The following TESMIN variants were observed in gnomAD, a reference collection of about 807,000 sequenced individuals.
TESMIN encodes testis expressed metallothionein like protein.
Under a neutral mutation model 47.4 loss-of-function variants are expected in TESMIN, and 34 were observed. The observed-to-expected ratio is 0.72, with a 90% confidence interval of 0.55 to 0.96. The LOEUF (loss-of-function observed/expected upper bound fraction) is 0.96. Ranked by LOEUF, TESMIN falls within the 40% of genes least tolerant of loss-of-function variation. The probability of loss-of-function intolerance (pLI) is 0.00; values close to 1 mark genes in which losing one functional copy is unlikely to be tolerated. For synonymous variants in TESMIN, 278 were observed against 258.9 expected, an observed-to-expected ratio of 1.07 and a Z score of -0.71; for missense variants, 610 against 637.2, an observed-to-expected ratio of 0.96 and a Z score of 0.46.
intron 9 of TESMIN, chr11:68,710,652 A>C (rs1946052316): frequency 5.9e-6 from 3 of 508,814 alleles, no homozygotes; most frequent in Non-Finnish European, 6.8e-6. Context: ...GAGGATGAGA[A>C]GACAAAGAGG....
At chr11:68,711,239 G>T (rs1048613389) in intron 8 of TESMIN, among the ~76,000 whole-genome samples, 190 bp from the exon 9 acceptor site, 1 of 151,154 alleles carries the variant, frequency 6.6e-6, no homozygotes, top group Non-Finnish European at 1.5e-5. Context: ...GTGTATGAGT[G>T]TGTGTGGGGT....
At position 68,713,338 on chromosome 11, in the gene TESMIN, G is replaced by A. The variant is rs1946095553; in HGVS notation, c.1090C>T (p.Pro364Ser). ...CAGTTGCACCCTTTGTTGTGCTGGGGCTTGACATTGCCCAATTGGCCCTTC... is the reference window on the plus strand; with the variant it reads ...CAGTTGCACCCTTTGTTGTGCTGGGACTTGACATTGCCCAATTGGCCCTTC... ...IGKGQLGNVK[P>S]QHNKGCNCRR... Residue 364 changes from proline (P) to serine (S), a missense_variant, in exon 8 of 10, where the codon CCC (proline) becomes TCC (serine). Physicochemically the swap from Pro to Ser is moderately conservative, Grantham distance 74 (BLOSUM62 -1). Transcript: ENST00000255087. The A allele has an allele frequency of 6.2e-7, 1 of 1,614,016 alleles. No homozygotes were observed. The highest frequency in any genetic ancestry group is 8.5e-7 in the Non-Finnish European group (1 of 1,180,030).
At chr11:68,704,928 C>T (rs1280589994), downstream of TESMIN, among the ~76,000 whole-genome samples, 1 of 152,202 alleles carries the variant, frequency 6.6e-6, no homozygotes, top group Admixed American at 6.5e-5. Flanking sequence ...CATGCAATGA[C>T]AGTCTTCAAT....
intron 9 of TESMIN, among the ~76,000 whole-genome samples, chr11:68,708,792 T>C (rs930848067): frequency 6.6e-6 from 1 of 151,852 alleles, no homozygotes; most frequent in Non-Finnish European, 1.5e-5. Flanking sequence ...CCTGCTCTGT[T>C]GCCAGGCTGG....
intron 6 of TESMIN, among the ~76,000 whole-genome samples, chr11:68,727,677 A>C (rs1207123243): frequency 1.3e-5 from 2 of 152,186 alleles, no homozygotes; most frequent in Non-Finnish European, 2.9e-5. Context: ...TTTTTAATAA[A>C]ACAAATTGAA....
At chr11:68,719,378 G>A (rs1459401825) in intron 6 of TESMIN, among the ~76,000 whole-genome samples, 2 of 152,186 alleles carry the variant, frequency 1.3e-5, no homozygotes, top group South Asian at 2.1e-4. Flanking sequence ...TCATAAAAAT[G>A]TAAAGACTCA....
chr11:68,728,120 A>C (rs1460452595), intron 6 of TESMIN, among the ~76,000 whole-genome samples: 1 of 152,210 alleles, frequency 6.6e-6, no homozygotes, highest in Non-Finnish European at 1.5e-5. Context: ...TCAAGAGAAA[A>C]GAAGAGTCCC....
At chr11:68,715,317 T>C (rs1040766741) in intron 7 of TESMIN, among the ~76,000 whole-genome samples, 4 of 152,220 alleles carry the variant, frequency 2.6e-5, no homozygotes, top group Non-Finnish European at 2.9e-5. Context: ...AGAGTGGCCA[T>C]CGGGGGCATC....
rs190408274 is a variant in TESMIN, at chr11:68,741,830, G to A, written c.828+488C>T. ...ACTGTGACTGTGGCTGGACGTCTAC[G>A]CTGGGGAGTTAGGGAAGGCTCTTCC... is the stretch of plus-strand genomic sequence containing the variant. On this transcript the variant is annotated intron_variant, in intron 5 of 9. Coordinates refer to ENST00000255087, the MANE Select transcript of TESMIN (RefSeq NM_004923.3). Among the ~76,000 whole-genome samples the A allele has an allele frequency of 3.7e-4, 56 of 152,348 alleles. No homozygotes were observed. The East Asian group carries it at 5.8e-3, about 16-fold the overall frequency.
At chr11:68,737,054 T>C in intron 6 of TESMIN, 2 of 985,462 alleles carry the variant, frequency 2.0e-6, no homozygotes, top group South Asian at 9.4e-5. Flanking sequence ...ATTGACCAGA[T>C]GCCCCCAGAT....
intron 6 of TESMIN, among the ~76,000 whole-genome samples, chr11:68,718,376 T>C (rs1383733860): frequency 6.6e-6 from 1 of 152,108 alleles, no homozygotes; most frequent in Non-Finnish European, 1.5e-5. Flanking sequence ...GGAAAATAAT[T>C]CTTATTAAAA....
chr11:68,722,887 C>G (rs1157161150), intron 6 of TESMIN, among the ~76,000 whole-genome samples: 1 of 152,120 alleles, frequency 6.6e-6, no homozygotes, highest in Non-Finnish European at 1.5e-5. Flanking sequence ...ATTTGTATGA[C>G]CTTCATGCTA....
At chr11:68,726,828 A>C (rs1946269477) in intron 6 of TESMIN, among the ~76,000 whole-genome samples, 1 of 152,196 alleles carries the variant, frequency 6.6e-6, no homozygotes, top group African/African-American at 2.4e-5. Flanking sequence ...CTGTAATCCC[A>C]GCACTTTGGG....
In TESMIN at chr11:68,750,627, T is replaced by C. The variant is rs531650703; in HGVS notation, c.34A>G (p.Ser12Gly). ...TCCGTCACCATCGCATCCTCGGGGCTGGGCAGCCCGCCCGGCAGAGGGCCC... is the reference window on the plus strand; with the variant it reads ...TCCGTCACCATCGCATCCTCGGGGCCGGGCAGCCCGCCCGGCAGAGGGCCC... The part of the protein sequence containing the change: ...EEGPLPGGLP[S>G]PEDAMVTELL... The change falls in exon 2 of 10, where the codon AGC becomes GGC. Residue 12 changes from serine to glycine, a missense_variant. Ser to Gly is a moderately conservative substitution (Grantham distance 56, BLOSUM62 0). Coordinates refer to ENST00000255087, the MANE Select transcript of TESMIN (RefSeq NM_004923.3). The C allele has an allele frequency of 1.3e-6, 2 of 1,577,704 alleles. No individual in the cohort carries two copies. The highest frequency in any genetic ancestry group is 4.7e-5 in the East Asian group (2 of 42,458).
At chr11:68,745,182 T>C in intron 3 of TESMIN, 71 bp from the exon 4 acceptor site, 1 of 1,422,734 alleles carries the variant, frequency 7.0e-7, no homozygotes, top group East Asian at 2.4e-5. Flanking sequence ...CTAAATAAAC[T>C]TAAATCTGAG....
At chr11:68,737,000 T>C (rs1198747237) in intron 6 of TESMIN, 1 of 985,438 alleles carries the variant, frequency 1.0e-6, no homozygotes, top group Non-Finnish European at 1.2e-6. Flanking sequence ...AAGTATCAAA[T>C]GTCCTTGAAT....
At chr11:68,707,055 C>T (rs546125836), downstream of TESMIN, among the ~76,000 whole-genome samples, 79 of 152,340 alleles carry the variant, frequency 5.2e-4, 1 homozygote, top group South Asian at 0.016. Context: ...GAGGGTTCCA[C>T]GTCTCACAAT....
Position 68,747,200 on chromosome 11 carries a change from A to C in TESMIN, c.630+8T>G. The stretch of plus-strand genomic sequence containing the variant: ...GTTAGTCCTACACATCTTCTTTAGC[A>C]TAATTACCATTGGGTTGGAATCTTT... On this transcript the variant is annotated splice_region_variant and intron_variant, in intron 3 of 9. Transcript: ENST00000255087. 1 of 1,613,294 alleles carries C rather than the reference A, an allele frequency of 6.2e-7. No homozygotes were observed. The highest frequency in any genetic ancestry group is 8.5e-7 in the Non-Finnish European group (1 of 1,179,222).
intron 6 of TESMIN, 147 bp from the exon 7 acceptor site, chr11:68,716,086 AT>A (rs1210084998): frequency 3.0e-5 from 18 of 604,726 alleles, no homozygotes; most frequent in Non-Finnish European, 5.9e-6. Context: ...CTCCTTTTAT[AT>A]GAGAACTAGA....
Sources: gnomAD v4.1 joint callset for allele counts (sites outside exome capture counted in the v4.1 genomes callset) on GRCh38, gnomAD v4.1.1 for gene constraint, MANE v1.5 for transcripts, NCBI Gene and HGNC (gene_info 2026-07-23, HGNC 2026-07-21) for gene names.